The following FUT9 variants were observed in gnomAD, a reference collection of about 807,000 sequenced individuals.
FUT9 encodes fucosyltransferase 9, also known as 4-galactosyl-N-acetylglucosaminide 3-alpha-L-fucosyltransferase 9.
In FUT9, 15 loss-of-function variants were observed where a neutral mutation model predicts 29.7. The ratio of observed to expected loss-of-function variants is 0.51; its 90% confidence interval spans 0.34 to 0.78. The LOEUF (loss-of-function observed/expected upper bound fraction) is 0.78, where lower values mean the gene tolerates loss of function less well. FUT9 is among the 30% of genes least tolerant of loss of function. The pLI is 0.01. For missense variants in FUT9, 319 were observed against 425.4 expected (o/e 0.75, Z 2.20); for synonymous variants, 169 against 153.7 (o/e 1.10, Z -0.74).
chr6:96,114,235 A>T (rs1212836089), intron 2 of FUT9, 108 bp downstream of exon 2: 1 of 152,234 alleles, frequency 6.6e-6, no homozygotes, highest in East Asian at 1.9e-4. Context: ...ACTAAAACTC[A>T]TCCAAGTTAC....
chr6:96,211,864 T>G lies in FUT9; in HGVS notation c.*7629T>G. 1 of 386,454 alleles carries G rather than the reference T, an allele frequency of 2.6e-6. No individual in the cohort carries two copies. Among genetic ancestry groups the G allele is most frequent in the Non-Finnish European group, 4.8e-6 (1 of 209,650 alleles). 23.9% of individuals were successfully genotyped at this position (386,454 alleles called of 1,614,324 possible). On this transcript the variant is annotated 3_prime_UTR_variant, in exon 3 of 3. Transcript: ENST00000302103. ...TGTTATGTCAGTAACATTAGAAAAC[T>G]TCAAAAACTGATTTATTTTTCTGAG...
intron 1 of FUT9, among the ~76,000 whole-genome samples, chr6:96,111,773 ATGT>A (rs1478268297): frequency 2.0e-5 from 3 of 152,190 alleles, no homozygotes; most frequent in African/African-American, 4.8e-5. Flanking sequence ...ATGAATTCAA[ATGT>A]TGTGACAGCA....
intron 1 of FUT9, among the ~76,000 whole-genome samples, chr6:96,075,351 C>A (rs115423915): frequency 0.026 from 3,910 of 152,092 alleles, 189 homozygotes; most frequent in African/African-American, 0.089. Context: ...GGGTTTGATA[C>A]CAAGAAAACT....
chr6:96,075,429 T>A (rs1004650342), intron 1 of FUT9, among the ~76,000 whole-genome samples: 1 of 152,186 alleles, frequency 6.6e-6, no homozygotes, highest in Non-Finnish European at 1.5e-5. Context: ...AAGAAAATGA[T>A]GGAAATTTTG....
intron 1 of FUT9, among the ~76,000 whole-genome samples, chr6:96,107,940 G>A (rs1442110347): frequency 1.3e-5 from 2 of 150,132 alleles, no homozygotes; most frequent in Non-Finnish European, 1.5e-5. Context: ...AAATAAACAA[G>A]AGCTGTAGAA....
chr6:96,055,871 T>C (rs1167404891), intron 1 of FUT9, among the ~76,000 whole-genome samples: 1 of 152,046 alleles, frequency 6.6e-6, no homozygotes, highest in Non-Finnish European at 1.5e-5. Context: ...AAAAGAAATT[T>C]ACCACTCTAT....
At chr6:96,190,525 C>T (rs1345217202) in intron 2 of FUT9, among the ~76,000 whole-genome samples, 2 of 152,282 alleles carry the variant, frequency 1.3e-5, no homozygotes, top group East Asian at 3.9e-4. Context: ...TCCATTCTCC[C>T]CATCACTTTC....
intron 2 of FUT9, among the ~76,000 whole-genome samples, chr6:96,187,673 TA>T (rs544131419): frequency 4.9e-4 from 75 of 152,244 alleles, no homozygotes; most frequent in African/African-American, 1.8e-3. Flanking sequence ...ATTTGGATTA[TA>T]AAAATATACA....
intron 1 of FUT9, among the ~76,000 whole-genome samples, chr6:96,096,549 T>A (rs563800426): frequency 6.6e-6 from 1 of 152,228 alleles, no homozygotes; most frequent in East Asian, 1.9e-4. Context: ...TCTAATCTTG[T>A]CTACAAGTTT....
At chr6:96,099,563 T>C (rs186002087) in intron 1 of FUT9, among the ~76,000 whole-genome samples, 51 of 152,234 alleles carry the variant, frequency 3.4e-4, no homozygotes, top group African/African-American at 1.1e-3. Flanking sequence ...TAAAATTATA[T>C]GAAAATGATA....
chr6:96,141,258 GC>G (rs1772457638), intron 2 of FUT9, among the ~76,000 whole-genome samples: 1 of 151,996 alleles, frequency 6.6e-6, no homozygotes, highest in African/African-American at 2.4e-5. Context: ...GAATATATAG[GC>G]TTTTGTATCA....
rs1773815899 is a variant in FUT9, at chr6:96,205,713, G to A, written c.*1478G>A. The A allele has an allele frequency of 6.0e-6, 1 of 166,354 alleles. No homozygotes were observed. The highest frequency in any genetic ancestry group is 6.5e-5 in the Admixed American group (1 of 15,286). The allele number at this position is 166,354 out of a possible 1,614,324, so 10.3% of individuals were successfully genotyped here. A position where few individuals can be genotyped will look rare whatever the true frequency, so the allele number is the denominator to read the frequency against. Reference sequence around the variant, plus strand: ...ATCTTTAGTGCCTTTATTCCTTTCAGGCCAATAATCCACCCAAAAATTAGA... The same window carrying A: ...ATCTTTAGTGCCTTTATTCCTTTCAAGCCAATAATCCACCCAAAAATTAGA... On this transcript the variant is annotated 3_prime_UTR_variant, in exon 3 of 3. Transcript: ENST00000302103.
At chr6:96,056,144 T>G (rs909108058) in intron 1 of FUT9, among the ~76,000 whole-genome samples, 2 of 152,214 alleles carry the variant, frequency 1.3e-5, no homozygotes, top group African/African-American at 4.8e-5. Flanking sequence ...TATATTCTCT[T>G]TTTCTGCATA....
At chr6:96,174,716 G>A (rs1209591190) in intron 2 of FUT9, among the ~76,000 whole-genome samples, 1 of 152,144 alleles carries the variant, frequency 6.6e-6, no homozygotes, top group Non-Finnish European at 1.5e-5. Context: ...AAAGTGAACT[G>A]AGAAAGTGTG....
intron 2 of FUT9, among the ~76,000 whole-genome samples, chr6:96,117,081 C>T (rs72930001): frequency 0.041 from 6,174 of 152,074 alleles, 175 homozygotes; most frequent in South Asian, 0.12. Flanking sequence ...AGGATCTAGC[C>T]TATATTTTGG....
rs1031771073 is a variant in FUT9, at chr6:96,205,800, C to T, written c.*1565C>T. On this transcript the variant is annotated 3_prime_UTR_variant, in exon 3 of 3. Transcript: ENST00000302103. ...TATTCGTATTACAAATTGACATCAG[C>T]AAAATTCAAAAAGAATTCAGTAAAA... 1.2e-5 allele frequency: 2 copies of T among 166,646 alleles called. No individual in the cohort carries two copies. Among genetic ancestry groups the T allele is most frequent in the Non-Finnish European group, 2.9e-5 (2 of 68,102 alleles). 10.3% of individuals were successfully genotyped at this position (166,646 alleles called of 1,614,324 possible). A position where few individuals can be genotyped will look rare whatever the true frequency, so the allele number is the denominator to read the frequency against.
In FUT9 at chr6:96,061,119, G is replaced by C. The variant is rs538524102; in HGVS notation, c.-98+44907G>C. Among the ~76,000 whole-genome samples, 3 of 151,302 alleles carry C rather than the reference G, an allele frequency of 2.0e-5. 1 individual carries two copies. In the South Asian group the frequency reaches 6.3e-4, roughly 32 times the overall value. On this transcript the variant is annotated intron_variant, in intron 1 of 2. Transcript: ENST00000302103. ...TTATTATGAAGTTATAAGAATAGGAGAGAACTTATAGTTTATTTCTGTCTC... is the reference window on the plus strand; with the variant it reads ...TTATTATGAAGTTATAAGAATAGGACAGAACTTATAGTTTATTTCTGTCTC...
intron 1 of FUT9, among the ~76,000 whole-genome samples, chr6:96,106,163 G>C (rs1241280954): frequency 6.7e-6 from 1 of 149,606 alleles, no homozygotes; most frequent in African/African-American, 2.4e-5. Context: ...AGCATGTATG[G>C]AGCTATGTCA....
rs549437200 is a variant in FUT9, at chr6:96,106,869, A to G, written c.-97-7170A>G. Among the ~76,000 whole-genome samples the G allele has an allele frequency of 3.3e-5, 5 of 152,286 alleles. No homozygotes were observed. The South Asian group carries it at 6.2e-4, about 19-fold the overall frequency. ...ATTGAAAGACACAAAGTATCAAACCATTTTTCAGACATATGTCTCAGTGAA... is the reference window on the plus strand; with the variant it reads ...ATTGAAAGACACAAAGTATCAAACCGTTTTTCAGACATATGTCTCAGTGAA... On this transcript the variant is annotated intron_variant, in intron 1 of 2. Transcript: ENST00000302103.
Sources: gnomAD v4.1 joint callset for allele counts (sites outside exome capture counted in the v4.1 genomes callset) on GRCh38, gnomAD v4.1.1 for gene constraint, MANE v1.5 for transcripts, NCBI Gene and HGNC (gene_info 2026-07-23, HGNC 2026-07-21) for gene names.